The following NRXN1 variants were observed in gnomAD, a reference collection of about 807,000 sequenced individuals.
NRXN1 encodes neurexin 1.
Under a neutral mutation model 150.9 loss-of-function variants are expected in NRXN1, and 39 were observed. That is an observed-to-expected ratio of 0.26 (90% CI 0.20 to 0.34). The LOEUF (loss-of-function observed/expected upper bound fraction) is 0.34, where lower values mean the gene tolerates loss of function less well. Among genes scored for constraint, NRXN1 ranks in the 10% least tolerant of loss-of-function variants. NRXN1 has a pLI of 1.00. For missense variants in NRXN1, 1,815 were observed against 1,949.9 expected (o/e 0.93, Z 1.30); for synonymous variants, 924 against 757.0 (o/e 1.22, Z -3.62).
chr2:49,997,346 C>T (rs1683166467), intron 21 of NRXN1, among the ~76,000 whole-genome samples: 1 of 152,080 alleles, frequency 6.6e-6, no homozygotes, highest in Non-Finnish European at 1.5e-5. Context: ...GGTATTTTGA[C>T]ATAGGTTGCT....
At chr2:50,029,322 A>T (rs1257094771) in intron 21 of NRXN1, among the ~76,000 whole-genome samples, 1 of 152,194 alleles carries the variant, frequency 6.6e-6, no homozygotes, top group Admixed American at 6.5e-5. Context: ...CCATTTTGTT[A>T]TAGCAGCCCT....
chr2:50,310,050 T>C (rs1181077302), intron 17 of NRXN1, among the ~76,000 whole-genome samples: 1 of 152,128 alleles, frequency 6.6e-6, no homozygotes, highest in African/African-American at 2.4e-5. Context: ...AGACAGCAAA[T>C]TCTAAAACGA....
chr2:50,308,010 G>A (rs1037912108), intron 17 of NRXN1, among the ~76,000 whole-genome samples: 1 of 152,166 alleles, frequency 6.6e-6, no homozygotes, highest in Non-Finnish European at 1.5e-5. Flanking sequence ...TTTGACATAT[G>A]TAATGAAATA....
At chr2:50,720,374 C>G (rs858942) in intron 5 of NRXN1, among the ~76,000 whole-genome samples, 138,450 of 152,112 alleles carry the variant, frequency 0.91, 63,255 homozygotes, top group African/African-American at 0.98. Flanking sequence ...ACAAAGGTCG[C>G]GCTGCATCTT....
intron 17 of NRXN1, among the ~76,000 whole-genome samples, chr2:50,381,468 T>A (rs2080954925): frequency 1.4e-5 from 2 of 146,912 alleles, no homozygotes; most frequent in African/African-American, 5.0e-5. Context: ...GCGAATAAAC[T>A]GACAAGTAGA....
intron 17 of NRXN1, among the ~76,000 whole-genome samples, chr2:50,411,836 C>G (rs558895024): frequency 6.6e-6 from 1 of 152,170 alleles, no homozygotes; most frequent in Non-Finnish European, 1.5e-5. Context: ...TCATTGAGAA[C>G]GGGCCATGAT....
intron 5 of NRXN1, among the ~76,000 whole-genome samples, chr2:50,683,646 A>AAAAATATATATAT: frequency 1.3e-4 from 2 of 14,906 alleles, no homozygotes; most frequent in East Asian, 3.8e-3. Context: ...AAAAAAAAAA[A>AAAAATATATATAT]ATATATATAT....
chr2:49,990,438 T>G (rs923071872), intron 21 of NRXN1, among the ~76,000 whole-genome samples: 5 of 152,126 alleles, frequency 3.3e-5, no homozygotes, highest in Admixed American at 2.0e-4. Context: ...TAGGAAATCA[T>G]TGAAGGTTGT....
At chr2:51,027,094 G>A (rs2105322953) in intron 2 of NRXN1, among the ~76,000 whole-genome samples, 1 of 152,264 alleles carries the variant, frequency 6.6e-6, no homozygotes, top group African/African-American at 2.4e-5. Flanking sequence ...CTAGATGCTT[G>A]TTTGCATCTT....
At position 51,027,794 on chromosome 2, in the gene NRXN1, C is replaced by T. The variant is rs771181102; in HGVS notation, c.480G>A (p.Pro160=). The T allele has an allele frequency of 4.3e-6, 7 of 1,612,792 alleles. No individual in the cohort carries two copies. Among genetic ancestry groups the T allele is most frequent in the Non-Finnish European group, 5.9e-6 (7 of 1,179,546 alleles). ...FSGLFVGGLP[P]ELRAAALKLT... ...GCTTGAGCGCCGCGGCGCGCAGTTC[C>T]GGGGGCAGCCCCCCGACGAAAAGGC... The change falls in exon 2 of 23, where the codon CCG becomes CCA. Residue 160 remains proline (P), a synonymous_variant. Transcript: ENST00000401669.
At chr2:49,957,853 C>T (rs1281423306) in intron 21 of NRXN1, among the ~76,000 whole-genome samples, 1 of 152,096 alleles carries the variant, frequency 6.6e-6, no homozygotes, top group Non-Finnish European at 1.5e-5. Context: ...GCTCTCCATC[C>T]AGTTGGCGTC....
chr2:50,870,960 T>C (rs879656786), intron 5 of NRXN1, among the ~76,000 whole-genome samples: 4 of 151,954 alleles, frequency 2.6e-5, no homozygotes, highest in Admixed American at 2.6e-4. Flanking sequence ...ACAATAGTTT[T>C]TGAGGTGCTG....
At chr2:50,787,068 A>G (rs1300915204) in intron 5 of NRXN1, among the ~76,000 whole-genome samples, 1 of 152,154 alleles carries the variant, frequency 6.6e-6, no homozygotes, top group Non-Finnish European at 1.5e-5. Context: ...TCTGTGAAAA[A>G]TAAGATGACA....
chr2:49,922,944 C>T (rs1452887070), intron 22 of NRXN1, among the ~76,000 whole-genome samples: 3 of 152,138 alleles, frequency 2.0e-5, no homozygotes, highest in Non-Finnish European at 4.4e-5. Flanking sequence ...TATTCTTTCT[C>T]AGTTTTAAAT....
chr2:50,707,808 T>A (rs562063297), intron 5 of NRXN1, among the ~76,000 whole-genome samples: 1 of 152,280 alleles, frequency 6.6e-6, no homozygotes, highest in African/African-American at 2.4e-5. Flanking sequence ...AGCCTAGAGA[T>A]AAAATATCCC....
chr2:50,583,100 C>G (rs1483181602), intron 8 of NRXN1, among the ~76,000 whole-genome samples: 1 of 151,712 alleles, frequency 6.6e-6, no homozygotes, highest in Non-Finnish European at 1.5e-5. Flanking sequence ...ACCCAGGCTG[C>G]AATTCAGCGG....
intron 2 of NRXN1, among the ~76,000 whole-genome samples, chr2:51,012,778 G>C (rs1435269643): frequency 6.6e-6 from 1 of 152,020 alleles, no homozygotes; most frequent in African/African-American, 2.4e-5. Context: ...TGTGTAACTG[G>C]CTTTCCTGGG....
At chr2:50,643,638 C>A (rs567866219) in intron 5 of NRXN1, among the ~76,000 whole-genome samples, 2 of 151,788 alleles carry the variant, frequency 1.3e-5, no homozygotes, top group Admixed American at 1.3e-4. Flanking sequence ...TCAGTTCTTC[C>A]GATACTGTTA....
At chr2:50,926,072 T>C (rs375283196) in intron 2 of NRXN1, 117 bp from the exon 3 acceptor site, 1 of 772,640 alleles carries the variant, frequency 1.3e-6, no homozygotes, top group Admixed American at 2.0e-5. Context: ...ATCATGCAAG[T>C]GCTCCATCAC....
Sources: gnomAD v4.1 joint callset for allele counts (sites outside exome capture counted in the v4.1 genomes callset) on GRCh38, gnomAD v4.1.1 for gene constraint, MANE v1.5 for transcripts, NCBI Gene and HGNC (gene_info 2026-07-23, HGNC 2026-07-21) for gene names.